Variants in STK3 observed in about 807,000 individuals in gnomAD.
STK3 encodes the protein serine/threonine-protein kinase 3.
STK3 carries 41 observed loss-of-function variants against 58.0 expected under a neutral mutation model. The observed-to-expected ratio is 0.71, with a 90% CI of 0.55 to 0.92. STK3 has a LOEUF of 0.92. STK3 is among the 40% of genes least tolerant of loss of function. STK3 has a pLI of 0.00. For synonymous variants in STK3, 170 were observed against 191.0 expected, an observed-to-expected ratio of 0.89 and a Z score of 0.91; for missense variants, 479 against 602.7, an observed-to-expected ratio of 0.79 and a Z score of 2.15.
intron 6 of STK3, among the ~76,000 whole-genome samples, chr8:98,659,298 T>G (rs1039809553): frequency 6.6e-6 from 1 of 152,084 alleles, no homozygotes; most frequent in Non-Finnish European, 1.5e-5. Context: ...ACTCAGTTAT[T>G]GCTTTAATGT....
chr8:98,580,596 CTGAG>C (rs1050788970), intron 7 of STK3, among the ~76,000 whole-genome samples: 25 of 152,258 alleles, frequency 1.6e-4, no homozygotes, highest in Admixed American at 2.6e-4. Flanking sequence ...AGTGACCTGA[CTGAG>C]TGAGTGAGTT....
intron 1 of STK3, among the ~76,000 whole-genome samples, chr8:98,823,769 C>T (rs1030408207): frequency 1.3e-5 from 2 of 151,968 alleles, no homozygotes; most frequent in African/African-American, 4.8e-5. Context: ...TCATTTAATC[C>T]CCACAATACA....
intron 6 of STK3, among the ~76,000 whole-genome samples, chr8:98,682,624 ATAAT>A (rs1288274198): frequency 1.3e-5 from 2 of 152,182 alleles, no homozygotes; most frequent in African/African-American, 2.4e-5. Context: ...ACAAAATTAA[ATAAT>A]TAATCTGTAA....
chr8:98,598,510 C>G, intron 6 of STK3: 2 of 985,370 alleles, frequency 2.0e-6, no homozygotes, highest in Non-Finnish European at 2.4e-6. Context: ...GTTAGCTCAT[C>G]AATAATAGAT....
chr8:98,653,134 C>T (rs578145330), intron 6 of STK3, among the ~76,000 whole-genome samples: 1 of 152,336 alleles, frequency 6.6e-6, no homozygotes, highest in Admixed American at 6.5e-5. Context: ...CAAACTGTCT[C>T]TCAGACCACA....
At chr8:98,550,516 T>A (rs569121361) in intron 8 of STK3, among the ~76,000 whole-genome samples, 1 of 152,196 alleles carries the variant, frequency 6.6e-6, no homozygotes, top group Non-Finnish European at 1.5e-5. Flanking sequence ...ACTTGCTACA[T>A]AAAACTTCAA....
chr8:98,682,325 T>C (rs1052783572), intron 6 of STK3, among the ~76,000 whole-genome samples: 3 of 152,220 alleles, frequency 2.0e-5, no homozygotes, highest in Non-Finnish European at 4.4e-5. Flanking sequence ...ATGCAACTTA[T>C]TAACAGGAAC....
chr8:98,521,917 A>G (rs903269168), intron 10 of STK3, among the ~76,000 whole-genome samples: 4 of 152,170 alleles, frequency 2.6e-5, no homozygotes, highest in Non-Finnish European at 5.9e-5. Context: ...CCACATGGCA[A>G]TGTCTGAGTT....
chr8:98,749,402 T>C lies in STK3; in HGVS notation c.237-12A>G. 2 of 1,412,124 alleles carry C rather than the reference T, an allele frequency of 1.4e-6. No individual in the cohort carries two copies. Among genetic ancestry groups the C allele is most frequent in the Non-Finnish European group, 1.9e-6 (2 of 1,039,122 alleles). 87.5% of individuals were successfully genotyped at this position (1,412,124 alleles called of 1,614,324 possible). On this transcript the variant is annotated splice_polypyrimidine_tract_variant and intron_variant, in intron 3 of 10. Coordinates refer to ENST00000419617, the MANE Select transcript of STK3 (RefSeq NM_006281.4). ...TTACAACATATGGGCTAAAGGAAAA[T>C]ACATAAACAATTAAATTTAGTTAAT... is the stretch of plus-strand genomic sequence containing the variant.
chr8:98,781,828 C>T (rs1349136169), intron 1 of STK3, among the ~76,000 whole-genome samples: 1 of 151,810 alleles, frequency 6.6e-6, no homozygotes, highest in Non-Finnish European at 1.5e-5. Flanking sequence ...TATGAGTAAT[C>T]AGGAACTATA....
intron 10 of STK3, among the ~76,000 whole-genome samples, chr8:98,499,832 T>C (rs547036130): frequency 2.9e-4 from 44 of 152,258 alleles, no homozygotes; most frequent in African/African-American, 8.7e-4. Context: ...TCTTGGACTT[T>C]TGAGCTGATT....
intron 3 of STK3, chr8:98,427,762 A>G: frequency 1.9e-6 from 1 of 525,564 alleles, no homozygotes; most frequent in South Asian, 2.8e-5. Flanking sequence ...TAATAGAAAC[A>G]TACCCACCCC....
chr8:98,447,546 T>C (rs1357366598), intron 1 of STK3, among the ~76,000 whole-genome samples: 1 of 148,346 alleles, frequency 6.7e-6, no homozygotes, highest in African/African-American at 2.5e-5. Flanking sequence ...ATTGCATATA[T>C]ACTATATATA....
chr8:98,726,391 G>A (rs1315425225), intron 4 of STK3, among the ~76,000 whole-genome samples: 9 of 152,204 alleles, frequency 5.9e-5, no homozygotes, highest in South Asian at 2.1e-4. Flanking sequence ...GTAATGAAGC[G>A]TGATGTGTAT....
At position 98,933,472 on chromosome 8, in the gene STK3, C is replaced by T. The variant is rs956969071; in HGVS notation, c.-79+8906G>A. Reference sequence around the variant, plus strand: ...TTTAAAAATTGTTTGGACTATATGTCCTTTTTCTTTTTAGCAGAGTGGGGA... The same window carrying T: ...TTTAAAAATTGTTTGGACTATATGTTCTTTTTCTTTTTAGCAGAGTGGGGA... On this transcript the variant is annotated intron_variant, in intron 1 of 1. Coordinates refer to the STK3 transcript ENST00000519420. Among the ~76,000 whole-genome samples, 44 of 152,142 alleles carry T rather than the reference C, an allele frequency of 2.9e-4. 1 individual carries two copies. Among genetic ancestry groups the T allele is most frequent in the Non-Finnish European group, 5.9e-5 (4 of 68,024 alleles).
intron 1 of STK3, among the ~76,000 whole-genome samples, chr8:98,442,961 GA>G (rs930359970): frequency 1.4e-5 from 2 of 144,902 alleles, no homozygotes; most frequent in Non-Finnish European, 3.0e-5. Context: ...AGAATTATAG[GA>G]ATAAAAATTA....
At chr8:98,369,838 G>T (rs1586539243), downstream of STK3, among the ~76,000 whole-genome samples, 1 of 152,138 alleles carries the variant, frequency 6.6e-6, no homozygotes, top group East Asian at 1.9e-4. Flanking sequence ...AAGTAATGAG[G>T]TTTTCTAGGG....
downstream of STK3, among the ~76,000 whole-genome samples, chr8:98,452,088 A>G (rs1167017904): frequency 1.3e-5 from 2 of 152,214 alleles, no homozygotes; most frequent in Non-Finnish European, 2.9e-5. Context: ...AGGATAGGAA[A>G]TGAAAATAGC....
intron 6 of STK3, among the ~76,000 whole-genome samples, chr8:98,671,012 T>A (rs1822792047): frequency 6.6e-6 from 1 of 152,190 alleles, no homozygotes; most frequent in African/African-American, 2.4e-5. Flanking sequence ...ATGGGGCACC[T>A]GCTCCTGCGA....
Sources: allele counts gnomAD v4.1 joint callset (sites outside exome capture counted in the v4.1 genomes callset), GRCh38; gene constraint gnomAD v4.1.1; transcripts MANE v1.5; gene names NCBI Gene and HGNC (gene_info 2026-07-23, HGNC 2026-07-21).